RIC3: variants seen among roughly 807,000 people sequenced by gnomAD.
RIC3 encodes RIC3 acetylcholine receptor chaperone, also known as protein RIC-3.
A neutral mutation model predicts 27.3 loss-of-function variants in RIC3; 28 were observed. The ratio of observed to expected loss-of-function variants is 1.02; its 90% CI spans 0.76 to 1.41. The LOEUF is 1.41. RIC3 is among the 40% of genes most tolerant of loss of function. The pLI is 0.00. For synonymous variants in RIC3, 184 were observed against 160.4 expected, an observed-to-expected ratio of 1.15 and a Z score of -1.11; for missense variants, 501 against 444.7, an observed-to-expected ratio of 1.13 and a Z score of -1.14.
At chr11:8,132,079 A>C (rs1288949221) in intron 4 of RIC3, among the ~76,000 whole-genome samples, 2 of 152,108 alleles carry the variant, frequency 1.3e-5, no homozygotes, top group Non-Finnish European at 2.9e-5. Context: ...CATGCCTGCC[A>C]GGGCCCTTTG....
chr11:8,123,771 G>A (rs1017487095), intron 5 of RIC3, among the ~76,000 whole-genome samples: 1 of 151,844 alleles, frequency 6.6e-6, no homozygotes, highest in South Asian at 2.1e-4. Context: ...TGGGCACAGT[G>A]GCTCATGCCT....
chr11:8,100,033 C>T, the RIC3 span, among the ~76,000 whole-genome samples: 1 of 152,152 alleles, frequency 6.6e-6, no homozygotes, highest in Non-Finnish European at 1.5e-5. Flanking sequence ...TGTGCCTGAG[C>T]ACTGGCTGCT....
At chr11:8,095,035 G>A in the RIC3 span, among the ~76,000 whole-genome samples, 1 of 152,338 alleles carries the variant, frequency 6.6e-6, no homozygotes, top group East Asian at 1.9e-4. Flanking sequence ...TCTTTCTCAA[G>A]GGGCCCACGT....
chr11:8,168,354 T>G (rs557400135), intron 1 of RIC3, among the ~76,000 whole-genome samples: 18 of 152,140 alleles, frequency 1.2e-4, no homozygotes, highest in Non-Finnish European at 1.9e-4. Flanking sequence ...AAGATATATT[T>G]TTAAAGGCAC....
At chr11:8,114,059 C>A (rs140286810) in intron 5 of RIC3, among the ~76,000 whole-genome samples, 1 of 152,166 alleles carries the variant, frequency 6.6e-6, no homozygotes, top group Non-Finnish European at 1.5e-5. Flanking sequence ...AACACCAGGC[C>A]ACCCTGCCTA....
intron 1 of RIC3, among the ~76,000 whole-genome samples, chr11:8,165,786 T>C (rs1211092333): frequency 8.6e-5 from 5 of 58,196 alleles, no homozygotes; most frequent in Non-Finnish European, 1.6e-4. Flanking sequence ...TGTTTTGTTT[T>C]GTTTTTTTTT....
At chr11:8,126,131 C>G (rs1301011594) in intron 5 of RIC3, among the ~76,000 whole-genome samples, 3 of 152,166 alleles carry the variant, frequency 2.0e-5, no homozygotes, top group African/African-American at 4.8e-5. Flanking sequence ...TATGTTCAAA[C>G]AAAGACTCAT....
chr11:8,098,306 G>A, the RIC3 span, among the ~76,000 whole-genome samples: 1 of 152,102 alleles, frequency 6.6e-6, no homozygotes, highest in African/African-American at 2.4e-5. Context: ...TACCAGATTT[G>A]GGGAGCATAA....
intron 5 of RIC3, among the ~76,000 whole-genome samples, chr11:8,125,427 C>T (rs1946891164): frequency 6.6e-6 from 1 of 152,082 alleles, no homozygotes; most frequent in African/African-American, 2.4e-5. Context: ...ATATACAGAA[C>T]TCTTGCAACC....
chr11:8,156,459 T>C (rs1950660346), intron 1 of RIC3, among the ~76,000 whole-genome samples: 1 of 152,220 alleles, frequency 6.6e-6, no homozygotes, highest in Non-Finnish European at 1.5e-5. Context: ...TAATATCATA[T>C]ATACAAAGCA....
At chr11:8,100,622 C>A in the RIC3 span, 10 of 1,605,240 alleles carry the variant, frequency 6.2e-6, no homozygotes, top group Non-Finnish European at 8.5e-7. Context: ...ACCCCTTCCT[C>A]CCCTCTTTCC....
intron 5 of RIC3, among the ~76,000 whole-genome samples, chr11:8,114,032 C>T (rs994269119): frequency 2.0e-5 from 3 of 152,116 alleles, no homozygotes; most frequent in Non-Finnish European, 4.4e-5. Context: ...AGGCTTCAAC[C>T]CCAACCCCAC....
At chr11:8,101,854 ATG>A, downstream of RIC3, 7 of 468,410 alleles carry the variant, frequency 1.5e-5, no homozygotes, top group South Asian at 7.2e-5. Context: ...AATTCTTTCC[ATG>A]CCACGAGATC....
At chr11:8,097,842 C>A in the RIC3 span, 2 of 1,603,778 alleles carry the variant, frequency 1.2e-6, no homozygotes, top group Non-Finnish European at 8.5e-7. Context: ...AGCATTCCCC[C>A]AGGAAGCAGG....
chr11:8,112,723 G>C (rs1945415719), intron 5 of RIC3, among the ~76,000 whole-genome samples: 1 of 152,184 alleles, frequency 6.6e-6, no homozygotes, highest in African/African-American at 2.4e-5. Context: ...GCATTTGAAA[G>C]TTGGTTGCAA....
downstream of RIC3, chr11:8,101,517 A>G (rs369809314): frequency 1.2e-4 from 191 of 1,614,058 alleles, no homozygotes; most frequent in Non-Finnish European, 1.6e-4. Context: ...TTGGCCGGGT[A>G]GCAGAGGATG....
intron 4 of RIC3, among the ~76,000 whole-genome samples, chr11:8,133,903 T>A (rs1948040776): frequency 6.6e-6 from 1 of 152,114 alleles, no homozygotes; most frequent in African/African-American, 2.4e-5. Context: ...TATCTTCATG[T>A]TGTCTCTTAC....
chr11:8,145,103 C>T (rs1255633194), intron 1 of RIC3, among the ~76,000 whole-genome samples: 5 of 144,386 alleles, frequency 3.5e-5, no homozygotes, highest in Non-Finnish European at 6.0e-5. Flanking sequence ...GTGGGTGCAG[C>T]GCACCAGCAT....
chr11:8,158,512 T>C (rs1011272844), intron 1 of RIC3, among the ~76,000 whole-genome samples: 2 of 151,874 alleles, frequency 1.3e-5, no homozygotes, highest in Non-Finnish European at 2.9e-5. Context: ...CAAACTCTCA[T>C]TCAGCTGACA....
Sources: allele counts gnomAD v4.1 joint callset (sites outside exome capture counted in the v4.1 genomes callset), GRCh38; gene constraint gnomAD v4.1.1; transcripts MANE v1.5; gene names NCBI Gene and HGNC (gene_info 2026-07-23, HGNC 2026-07-21).